The following CADM2 variants were observed in gnomAD, a reference collection of about 807,000 sequenced individuals.
CADM2 encodes immunoglobulin superfamily member 4D.
In CADM2, 12 loss-of-function variants were observed where a neutral mutation model predicts 49.8. That is an observed-to-expected ratio of 0.24 (90% CI 0.15 to 0.39). CADM2 has a LOEUF of 0.39. Ranked by LOEUF, CADM2 falls within the 10% of genes least tolerant of loss-of-function variation. CADM2 has a pLI of 1.00. For missense variants in CADM2, 378 were observed against 492.3 expected, an observed-to-expected ratio of 0.77 and a Z score of 2.20; for synonymous variants, 214 against 175.4, an observed-to-expected ratio of 1.22 and a Z score of -1.74.
chr3:85,819,923 G>A (rs535662772), intron 3 of CADM2, among the ~76,000 whole-genome samples: 21 of 152,178 alleles, frequency 1.4e-4, no homozygotes, highest in Non-Finnish European at 2.8e-4. Context: ...AAAATTCTGT[G>A]AAGAAACAAA....
intron 1 of CADM2, among the ~76,000 whole-genome samples, chr3:85,197,820 G>C (rs78201743): frequency 9.3e-4 from 141 of 151,874 alleles, no homozygotes; most frequent in African/African-American, 3.0e-3. Flanking sequence ...TTAGGAGTAC[G>C]TATATAATTA....
At chr3:85,879,471 T>C (rs1444064492) in intron 3 of CADM2, among the ~76,000 whole-genome samples, 1 of 152,096 alleles carries the variant, frequency 6.6e-6, no homozygotes. Flanking sequence ...ATCACAATGA[T>C]TTAGAATTTT....
chr3:85,092,987 C>T (rs1017145089), intron 1 of CADM2, among the ~76,000 whole-genome samples: 1 of 152,074 alleles, frequency 6.6e-6, no homozygotes, highest in African/African-American at 2.4e-5. Flanking sequence ...GTTATATCAG[C>T]ACTTTGCATA....
At chr3:85,011,347 G>A (rs1318095070) in intron 1 of CADM2, among the ~76,000 whole-genome samples, 3 of 152,162 alleles carry the variant, frequency 2.0e-5, no homozygotes, top group Middle Eastern at 6.8e-3. Flanking sequence ...TATTTAGATA[G>A]GGTGTCCAGC....
chr3:85,814,831 A>T (rs72908549), intron 3 of CADM2, among the ~76,000 whole-genome samples: 7,083 of 152,026 alleles, frequency 0.047, 530 homozygotes, highest in African/African-American at 0.16. Context: ...TATAGAATAT[A>T]CTATAAAATA....
At chr3:85,668,478 A>G (rs2065641986) in intron 1 of CADM2, among the ~76,000 whole-genome samples, 1 of 152,112 alleles carries the variant, frequency 6.6e-6, no homozygotes, top group South Asian at 2.1e-4. Context: ...TGTAACTTCC[A>G]AAATTCCCAT....
intron 1 of CADM2, among the ~76,000 whole-genome samples, chr3:85,333,699 C>A (rs891680685): frequency 2.0e-5 from 3 of 151,714 alleles, no homozygotes; most frequent in Non-Finnish European, 4.4e-5. Flanking sequence ...ACATTGGAGA[C>A]CCAGATTAGA....
At chr3:85,558,472 TA>T (rs1383911669) in intron 1 of CADM2, among the ~76,000 whole-genome samples, 5 of 152,044 alleles carry the variant, frequency 3.3e-5, no homozygotes, top group Admixed American at 1.3e-4. Flanking sequence ...AATATGATGA[TA>T]TTTTTATTTA....
intron 1 of CADM2, among the ~76,000 whole-genome samples, chr3:85,036,587 T>G (rs1404907843): frequency 1.3e-5 from 2 of 152,104 alleles, no homozygotes; most frequent in Non-Finnish European, 2.9e-5. Context: ...CAAAAATAAT[T>G]GCAGTTTTTG....
chr3:85,011,007 G>T (rs908220491), intron 1 of CADM2, among the ~76,000 whole-genome samples: 1 of 151,340 alleles, frequency 6.6e-6, no homozygotes, highest in Non-Finnish European at 1.5e-5. Context: ...GGGACTACAG[G>T]CGCCTGCCAC....
intron 2 of CADM2, among the ~76,000 whole-genome samples, chr3:85,753,089 C>G (rs1336125196): frequency 6.6e-6 from 1 of 152,030 alleles, no homozygotes; most frequent in Admixed American, 6.6e-5. Context: ...TTCCTTTTAA[C>G]ATGACAGAAT....
At chr3:85,086,307 A>T (rs1026591760) in intron 1 of CADM2, among the ~76,000 whole-genome samples, 6 of 151,962 alleles carry the variant, frequency 3.9e-5, no homozygotes, top group African/African-American at 1.4e-4. Flanking sequence ...TACAGACTTT[A>T]GTCAGAAGCC....
intron 1 of CADM2, among the ~76,000 whole-genome samples, chr3:85,598,851 GTGTGTATATA>G (rs1559934336): frequency 1.3e-5 from 2 of 148,162 alleles, no homozygotes; most frequent in Non-Finnish European, 1.5e-5. Context: ...AAGTGTGTGT[GTGTGTATATA>G]TATATATATA....
At chr3:85,701,858 A>AAGATAGATAGAT (rs56934991) in intron 1 of CADM2, among the ~76,000 whole-genome samples, 79 of 146,830 alleles carry the variant, frequency 5.4e-4, no homozygotes, top group East Asian at 2.0e-3. Flanking sequence ...TCTGTTGTAA[A>AAGATAGATAGAT]AGATAGATAG....
At chr3:84,965,207 G>T (rs1473725572) in intron 1 of CADM2, among the ~76,000 whole-genome samples, 1 of 152,180 alleles carries the variant, frequency 6.6e-6, no homozygotes, top group Admixed American at 6.5e-5. Flanking sequence ...GTGCAATTCT[G>T]TTGTATCAAG....
chr3:85,909,005 T>A (rs2108471392), intron 5 of CADM2, among the ~76,000 whole-genome samples: 1 of 152,294 alleles, frequency 6.6e-6, no homozygotes, highest in Non-Finnish European at 1.5e-5. Flanking sequence ...ATTACAGGCG[T>A]GAGCCACCAC....
At chr3:85,791,047 T>C (rs1296621032) in intron 2 of CADM2, among the ~76,000 whole-genome samples, 1 of 152,212 alleles carries the variant, frequency 6.6e-6, no homozygotes. Context: ...TTAAAGTCTT[T>C]CAGACAAACC....
intron 1 of CADM2, among the ~76,000 whole-genome samples, chr3:85,111,291 A>C (rs1349470137): frequency 6.6e-6 from 1 of 151,856 alleles, no homozygotes; most frequent in Non-Finnish European, 1.5e-5. Flanking sequence ...GTTTGCTTTA[A>C]ATTTTTTTAA....
At chr3:85,943,490 T>C in intron 7 of CADM2, among the ~76,000 whole-genome samples, 1 of 150,554 alleles carries the variant, frequency 6.6e-6, no homozygotes, top group South Asian at 2.1e-4. Context: ...AAGTCTTTAA[T>C]CCATCTTGAA....
Sources: allele counts gnomAD v4.1 joint callset (sites outside exome capture counted in the v4.1 genomes callset), GRCh38; gene constraint gnomAD v4.1.1; transcripts MANE v1.5; gene names NCBI Gene and HGNC (gene_info 2026-07-23, HGNC 2026-07-21).